The following WWOX variants were observed in gnomAD, a reference collection of about 807,000 sequenced individuals.
WWOX encodes the protein WW domain-containing oxidoreductase.
WWOX carries 69 observed loss-of-function variants against 46.2 expected under a neutral mutation model. The observed-to-expected ratio is 1.49, with a 90% CI of 1.23 to 1.82. WWOX has a LOEUF of 1.82. Among genes scored for constraint, WWOX ranks in the 40% most tolerant of loss-of-function variants. The pLI, the probability that WWOX is intolerant of heterozygous loss-of-function variation, is 0.00. For synonymous variants in WWOX, 359 were observed against 202.6 expected (o/e 1.77, Z -6.56); for missense variants, 919 against 542.6 (o/e 1.69, Z -6.89).
intron 8 of WWOX, among the ~76,000 whole-genome samples, chr16:79,092,204 C>T (rs1453685349): frequency 6.6e-6 from 1 of 152,002 alleles, no homozygotes; most frequent in Non-Finnish European, 1.5e-5. Context: ...GTGCAGGGAG[C>T]CATTTATGAC....
chr16:78,135,628 A>C (rs1029392875), intron 4 of WWOX, among the ~76,000 whole-genome samples: 2 of 152,060 alleles, frequency 1.3e-5, no homozygotes, highest in Non-Finnish European at 2.9e-5. Flanking sequence ...TTTTCTTTCT[A>C]CTAAATTTTT....
At chr16:78,509,999 C>G (rs533624218) in intron 8 of WWOX, among the ~76,000 whole-genome samples, 1 of 151,880 alleles carries the variant, frequency 6.6e-6, no homozygotes, top group South Asian at 2.1e-4. Flanking sequence ...TCTGGGGATG[C>G]TGCAGCGAGC....
intron 8 of WWOX, among the ~76,000 whole-genome samples, chr16:78,772,128 T>C (rs1050622262): frequency 4.6e-5 from 7 of 152,200 alleles, no homozygotes; most frequent in African/African-American, 1.7e-4. Context: ...TTGAACAGAT[T>C]ATTTCATCAC....
chr16:78,766,195 T>C (rs2049921488), intron 8 of WWOX, among the ~76,000 whole-genome samples: 1 of 152,212 alleles, frequency 6.6e-6, no homozygotes, highest in Non-Finnish European at 1.5e-5. Flanking sequence ...CCTTGGCCTT[T>C]TCTGGGCTAC....
intron 4 of WWOX, among the ~76,000 whole-genome samples, chr16:78,146,126 G>T (rs1048185156): frequency 6.6e-6 from 1 of 152,140 alleles, no homozygotes; most frequent in East Asian, 1.9e-4. Context: ...TTCTAGTTGC[G>T]CATGCTTCCA....
intron 8 of WWOX, among the ~76,000 whole-genome samples, chr16:78,501,282 T>G (rs2085061538): frequency 6.8e-6 from 1 of 146,866 alleles, no homozygotes; most frequent in African/African-American, 2.5e-5. Flanking sequence ...AGCAGACCCC[T>G]TGGTTCAGAT....
rs541541934 is a variant in WWOX at position 78,138,118 on chromosome 16, C to T, written c.409+22964C>T. Among the ~76,000 whole-genome samples, 51 of 150,882 alleles carry T rather than the reference C, an allele frequency of 3.4e-4. 3 individuals carry two copies. The South Asian group carries it at 0.01, about 30-fold the overall frequency. On this transcript the variant is annotated intron_variant, in intron 4 of 8. Transcript: ENST00000566780. Reference sequence around the variant, plus strand: ...TCTAAATGGCTCGCTGCATCCTCTTCACGAGAGCTGATGGTAGGACTGTAG... The same window carrying T: ...TCTAAATGGCTCGCTGCATCCTCTTTACGAGAGCTGATGGTAGGACTGTAG...
intron 8 of WWOX, among the ~76,000 whole-genome samples, chr16:78,811,053 G>A (rs941267723): frequency 1.3e-5 from 2 of 152,202 alleles, no homozygotes; most frequent in Admixed American, 6.5e-5. Context: ...AAAGGGAAGG[G>A]ACAGGAAAGC....
intron 5 of WWOX, among the ~76,000 whole-genome samples, chr16:78,223,927 A>G (rs1252993377): frequency 6.6e-6 from 1 of 152,224 alleles, no homozygotes; most frequent in Non-Finnish European, 1.5e-5. Context: ...ACAGAGGCCC[A>G]GATGGAGTAA....
intron 8 of WWOX, among the ~76,000 whole-genome samples, chr16:79,105,023 G>C: frequency 6.6e-6 from 1 of 152,136 alleles, no homozygotes; most frequent in East Asian, 1.9e-4. Context: ...GGTCAGCACG[G>C]GGCTGGGTCT....
chr16:78,785,657 C>T (rs1029141231), intron 8 of WWOX, among the ~76,000 whole-genome samples: 5 of 152,182 alleles, frequency 3.3e-5, no homozygotes, highest in Non-Finnish European at 7.3e-5. Flanking sequence ...ATATCCATTA[C>T]AAAACCATTG....
chr16:78,805,355 G>C (rs932642572), intron 8 of WWOX, among the ~76,000 whole-genome samples: 7 of 152,120 alleles, frequency 4.6e-5, no homozygotes, highest in African/African-American at 1.4e-4. Flanking sequence ...CCGCCTCCCG[G>C]GTTCATGCCA....
At chr16:78,493,371 C>T (rs1328533070) in intron 8 of WWOX, among the ~76,000 whole-genome samples, 2 of 152,170 alleles carry the variant, frequency 1.3e-5, no homozygotes, top group Non-Finnish European at 1.5e-5. Flanking sequence ...CAGGCTTACC[C>T]AGTTCATTTA....
At chr16:78,229,901 A>G (rs541600723) in intron 5 of WWOX, among the ~76,000 whole-genome samples, 19 of 151,720 alleles carry the variant, frequency 1.3e-4, no homozygotes, top group Non-Finnish European at 2.8e-4. Context: ...TTTTTTCTAA[A>G]CAGGATCTCA....
chr16:79,050,427 C>T (rs1009078623), intron 8 of WWOX, among the ~76,000 whole-genome samples: 1 of 152,164 alleles, frequency 6.6e-6, no homozygotes, highest in Non-Finnish European at 1.5e-5. Context: ...TGCAAGACAG[C>T]AACTCAAAAC....
intron 8 of WWOX, among the ~76,000 whole-genome samples, chr16:79,085,191 GTC>G (rs1344922445): frequency 6.6e-6 from 1 of 152,066 alleles, no homozygotes; most frequent in African/African-American, 2.4e-5. Context: ...TTCTGTCTTT[GTC>G]TCTCTCTCTC....
chr16:78,276,657 T>C (rs1468731325), intron 5 of WWOX, among the ~76,000 whole-genome samples: 1 of 152,196 alleles, frequency 6.6e-6, no homozygotes, highest in East Asian at 1.9e-4. Context: ...AGTCCAGTGT[T>C]TGTAGCTGTG....
intron 8 of WWOX, among the ~76,000 whole-genome samples, chr16:79,190,135 C>T (rs1380397478): frequency 6.6e-6 from 1 of 152,104 alleles, no homozygotes; most frequent in Non-Finnish European, 1.5e-5. Context: ...AGCAATTCTT[C>T]TGCCTCAGCC....
intron 8 of WWOX, among the ~76,000 whole-genome samples, chr16:78,667,868 C>T (rs976517053): frequency 2.0e-5 from 3 of 151,934 alleles, no homozygotes; most frequent in African/African-American, 7.3e-5. Flanking sequence ...GCATTTTTTC[C>T]ATCCCATACC....
Sources: allele counts gnomAD v4.1 joint callset (sites outside exome capture counted in the v4.1 genomes callset), GRCh38; gene constraint gnomAD v4.1.1; transcripts MANE v1.5; gene names NCBI Gene and HGNC (gene_info 2026-07-23, HGNC 2026-07-21).